Variants in THAP12 observed in about 807,000 individuals in gnomAD.
The protein encoded by THAP12 is 52 kDa repressor of the inhibitor of the protein kinase.
A neutral mutation model predicts 63.0 loss-of-function variants in THAP12; 20 were observed. The observed-to-expected ratio is 0.32, with a 90% CI of 0.22 to 0.46. The LOEUF (loss-of-function observed/expected upper bound fraction) is 0.46, where lower values mean the gene tolerates loss of function less well. Ranked by LOEUF, THAP12 falls within the 20% of genes least tolerant of loss-of-function variation. The pLI is 1.00. For missense variants in THAP12, 568 were observed against 908.2 expected, an observed-to-expected ratio of 0.63 and a Z score of 4.81; for synonymous variants, 264 against 328.4, an observed-to-expected ratio of 0.80 and a Z score of 2.12.
At chr11:76,376,355 T>C (rs7925910) in intron 1 of THAP12, among the ~76,000 whole-genome samples, 39,108 of 152,082 alleles carry the variant, frequency 0.26, 6,913 homozygotes, top group African/African-American at 0.51. Context: ...GAGTCTAACG[T>C]TGAAAAGGGC....
At chr11:76,378,681 G>A (rs541343401) in intron 1 of THAP12, among the ~76,000 whole-genome samples, 7 of 151,578 alleles carry the variant, frequency 4.6e-5, no homozygotes, top group African/African-American at 9.7e-5. Context: ...GCACGATCTC[G>A]GCTCACTGCA....
At chr11:76,355,873 G>GA (rs2134500641) in intron 3 of THAP12, 1 of 376,890 alleles carries the variant, frequency 2.7e-6, no homozygotes, top group Non-Finnish European at 4.7e-6. Flanking sequence ...AAGTCTTAGG[G>GA]AAAAAAGAAT....
chr11:76,380,705 G>A, intron 1 of THAP12, 43 bp downstream of exon 1: 1 of 1,328,506 alleles, frequency 7.5e-7, no homozygotes, highest in Non-Finnish European at 9.7e-7. Flanking sequence ...AGCGCTCACC[G>A]CGAAGGTGGG....
At chr11:76,365,202 A>G (rs563687221) in intron 2 of THAP12, among the ~76,000 whole-genome samples, 3 of 151,380 alleles carry the variant, frequency 2.0e-5, no homozygotes, top group Non-Finnish European at 4.4e-5. Flanking sequence ...GAATCGCTTG[A>G]GCCCAGGAGG....
At chr11:76,376,139 G>T (rs886493265) in intron 1 of THAP12, among the ~76,000 whole-genome samples, 24 of 152,266 alleles carry the variant, frequency 1.6e-4, no homozygotes, top group African/African-American at 5.5e-4. Context: ...GGAGAAGGTT[G>T]CACAACACTG....
At chr11:76,355,485 G>T in intron 4 of THAP12, 133 bp downstream of exon 4, 1 of 784,160 alleles carries the variant, frequency 1.3e-6, no homozygotes, top group Non-Finnish European at 1.9e-6. Flanking sequence ...CCAAAACACA[G>T]GACAAAATTG....
intron 4 of THAP12, among the ~76,000 whole-genome samples, 197 bp downstream of exon 4, chr11:76,355,421 T>C (rs967403017): frequency 6.6e-6 from 1 of 152,222 alleles, no homozygotes; most frequent in Non-Finnish European, 1.5e-5. Flanking sequence ...GTGTGTGGCA[T>C]TGCAGCACTC....
rs1037832402 is a variant in THAP12 at position 76,362,442 on chromosome 11, T to C, written c.211-1379A>G. ...AAACACATTTGGGATGAATTTCTAT[T>C]CAGAGTCAATATTTTCTAGTTCAAT... On this transcript the variant is annotated intron_variant, in intron 2 of 4. Coordinates refer to ENST00000260045, the MANE Select transcript of THAP12 (RefSeq NM_004705.4). Among the ~76,000 whole-genome samples, 4 of 152,366 alleles carry C rather than the reference T, an allele frequency of 2.6e-5. No homozygotes were observed. In the East Asian group the frequency reaches 5.8e-4, roughly 22 times the overall value.
rs1159730040 is a variant in THAP12 at position 76,351,135 on chromosome 11, T to G, written c.2015A>C (p.Lys672Thr). 7 of 1,607,588 alleles carry G rather than the reference T, an allele frequency of 4.4e-6. No individual in the cohort carries two copies. The Admixed American group carries it at 8.4e-5, about 19-fold the overall frequency. ...IYEALHLPDI[K>T]FFPNVYALLK... ...CAATGCATACACATTAGGAAAAAAC[T>G]TGATGTCAGGCAGGTGGAGGGCTTC... Residue 672 changes from lysine (K) to threonine (T), a missense_variant, in exon 5 of 5, where the codon AAG (lysine) becomes ACG (threonine). By Grantham distance (78) the Lys-to-Thr change is moderately conservative (BLOSUM62 -1). Coordinates refer to ENST00000260045, the MANE Select transcript of THAP12 (RefSeq NM_004705.4).
intron 1 of THAP12, among the ~76,000 whole-genome samples, chr11:76,379,184 A>G (rs1290791992): frequency 1.3e-5 from 2 of 152,036 alleles, no homozygotes; most frequent in South Asian, 4.2e-4. Context: ...TTTACAATCT[A>G]CCTCCAAACC....
intron 1 of THAP12, among the ~76,000 whole-genome samples, chr11:76,372,592 A>G (rs987001537): frequency 4.1e-5 from 6 of 147,732 alleles, no homozygotes; most frequent in African/African-American, 1.5e-4. Flanking sequence ...TTACATTTAA[A>G]AAAAAAAAAA....
chr11:76,352,548 AAGTTATCTG>A lies in THAP12; in HGVS notation c.593_601del (p.Pro198_Phe201delinsLeu). 5 of 1,611,996 alleles carry A rather than the reference AAGTTATCTG, an allele frequency of 3.1e-6. No homozygotes were observed. The highest frequency in any genetic ancestry group is 4.2e-6 in the Non-Finnish European group (5 of 1,179,848). The stretch of plus-strand genomic sequence containing the variant: ...TATCCGACACTCCAGCAGTGCCTGA[AAGTTATCTG>A]GAGTAAAGAGACCTTCTGGGATTTC... On this transcript the variant is annotated inframe_deletion, in exon 5 of 5. Transcript: ENST00000260045.
At chr11:76,364,427 A>G in intron 2 of THAP12, 1 of 437,660 alleles carries the variant, frequency 2.3e-6, no homozygotes. Flanking sequence ...CCTCTGCAAA[A>G]TGTATCTGAA....
intron 4 of THAP12, 59 bp downstream of exon 4, chr11:76,355,559 C>A (rs953635363): frequency 1.0e-5 from 15 of 1,437,826 alleles, no homozygotes; most frequent in Admixed American, 9.2e-5. Context: ...TTTGTCCTTA[C>A]CAGGTCAAGG....
intron 2 of THAP12, among the ~76,000 whole-genome samples, chr11:76,363,621 C>T (rs913203981): frequency 2.6e-5 from 4 of 152,206 alleles, no homozygotes; most frequent in Non-Finnish European, 4.4e-5. Context: ...CACAGTCTCA[C>T]TCTGTCACCA....
chr11:76,364,758 T>C (rs965249897), intron 2 of THAP12, among the ~76,000 whole-genome samples: 3 of 152,196 alleles, frequency 2.0e-5, no homozygotes, highest in African/African-American at 7.2e-5. Context: ...AAAATGTTTT[T>C]CCACATTACC....
intron 1 of THAP12, among the ~76,000 whole-genome samples, chr11:76,377,886 G>A (rs1456167074): frequency 6.6e-6 from 1 of 152,164 alleles, no homozygotes; most frequent in Non-Finnish European, 1.5e-5. Context: ...TATATCTTCT[G>A]TTTAAAGAAA....
chr11:76,380,332 C>G (rs1565237978), intron 1 of THAP12, among the ~76,000 whole-genome samples: 1 of 152,156 alleles, frequency 6.6e-6, no homozygotes, highest in South Asian at 2.1e-4. Context: ...GGGGTGGTGG[C>G]AAGGAGAGGG....
At chr11:76,377,256 TC>T (rs1489582592) in intron 1 of THAP12, among the ~76,000 whole-genome samples, 2 of 152,198 alleles carry the variant, frequency 1.3e-5, no homozygotes, top group Non-Finnish European at 2.9e-5. Flanking sequence ...GAGGTGAAAT[TC>T]TCATAACATA....
Sources: allele counts gnomAD v4.1 joint callset (sites outside exome capture counted in the v4.1 genomes callset), GRCh38; gene constraint gnomAD v4.1.1; transcripts MANE v1.5; gene names NCBI Gene and HGNC (gene_info 2026-07-23, HGNC 2026-07-21).